Variants in SGPP2 observed in about 807,000 individuals in gnomAD.
The protein encoded by SGPP2 is sphingosine 1-phosphate phosphohydrolase 2.
A neutral mutation model predicts 33.9 loss-of-function variants in SGPP2; 30 were observed. The observed-to-expected ratio is 0.89, with a 90% CI of 0.66 to 1.20. The LOEUF (loss-of-function observed/expected upper bound fraction) is 1.20. Ranked by LOEUF, SGPP2 falls within the 50% of genes most tolerant of loss-of-function variation. The pLI, the probability that SGPP2 is intolerant of heterozygous loss-of-function variation, is 0.00. For missense variants in SGPP2, 458 were observed against 532.1 expected (o/e 0.86, Z 1.37); for synonymous variants, 233 against 225.0 (o/e 1.04, Z -0.32).
At chr2:222,507,921 C>T (rs1486048214) in intron 2 of SGPP2, among the ~76,000 whole-genome samples, 2 of 152,078 alleles carry the variant, frequency 1.3e-5, no homozygotes, top group Non-Finnish European at 2.9e-5. Flanking sequence ...AGATTTTGAC[C>T]GTGGTTGACT....
rs113395227 is a variant in SGPP2, at chr2:222,509,571, G to A, written c.379-12196G>A. 6.8e-3 allele frequency among the ~76,000 whole-genome samples: 1,032 copies of A among 152,192 alleles called. 4 individuals are homozygous for A. The highest frequency in any genetic ancestry group is 0.024 in the African/African-American group (982 of 41,526). On this transcript the variant is annotated intron_variant, in intron 2 of 4. Coordinates refer to ENST00000321276, the MANE Select transcript of SGPP2 (RefSeq NM_152386.4). ...GTACTCACTTCAGTGCCCTGTGGAC[G>A]GGCAGAATTGAACAGGATTTTTGAA...
chr2:222,455,987 G>A (rs1221399664), intron 1 of SGPP2, among the ~76,000 whole-genome samples: 4 of 152,192 alleles, frequency 2.6e-5, no homozygotes, highest in African/African-American at 7.2e-5. Flanking sequence ...GCTAAGGTGG[G>A]AGGATTGCTT....
At chr2:222,436,419 T>C (rs1697241239) in intron 1 of SGPP2, among the ~76,000 whole-genome samples, 1 of 152,174 alleles carries the variant, frequency 6.6e-6, no homozygotes. Context: ...TGGACACTGA[T>C]TCAGAGCATA....
At position 222,559,077 on chromosome 2, in the gene SGPP2, C is replaced by T. The variant is rs191653539; in HGVS notation, c.*179C>T. On this transcript the variant is annotated 3_prime_UTR_variant, in exon 5 of 5. Coordinates refer to ENST00000321276, the MANE Select transcript of SGPP2 (RefSeq NM_152386.4). ...AAAGGAAGAACTGTCTCATAGCGGT[C>T]ATTGGTCGTCCGTGGTGGTTGGTTG... 9 of 596,210 alleles carry T rather than the reference C, an allele frequency of 1.5e-5. No individual in the cohort carries two copies. The highest frequency in any genetic ancestry group is 1.2e-4 in the Admixed American group (4 of 32,368). 36.9% of individuals were successfully genotyped at this position (596,210 alleles called of 1,614,324 possible). A position where few individuals can be genotyped will look rare whatever the true frequency, so the allele number is the denominator to read the frequency against.
chr2:222,485,572 A>C (rs966693000), intron 2 of SGPP2, among the ~76,000 whole-genome samples: 1 of 152,234 alleles, frequency 6.6e-6, no homozygotes, highest in African/African-American at 2.4e-5. Context: ...TAAAGCAGCC[A>C]AGTGGAAAAG....
intron 2 of SGPP2, among the ~76,000 whole-genome samples, chr2:222,521,369 GCTGA>G (rs1223973779): frequency 5.3e-5 from 8 of 152,172 alleles, no homozygotes; most frequent in African/African-American, 1.9e-4. Context: ...TCTGCCACTT[GCTGA>G]CTGTGTGCCT....
Position 222,477,473 on chromosome 2 carries a change from A to G in SGPP2, c.378+2747A>G, listed in dbSNP as rs950123428. ...TATAGGTGTGTATATATGTGTATGC[A>G]TGTGTGTATATAGGTGTGTATATAT... is the stretch of plus-strand genomic sequence containing the variant. On this transcript the variant is annotated intron_variant, in intron 2 of 4. Transcript: ENST00000321276. This position sits in a 1 kb window ranked among gnomAD's most constrained non-coding sequence, Gnocchi z 6.0. Among the ~76,000 whole-genome samples the G allele has an allele frequency of 6.7e-5, 10 of 150,116 alleles. No individual in the cohort carries two copies. Among genetic ancestry groups the G allele is most frequent in the Non-Finnish European group, 8.9e-5 (6 of 67,724 alleles).
chr2:222,524,581 ATTGT>A (rs1698729457), intron 3 of SGPP2, among the ~76,000 whole-genome samples: 1 of 152,154 alleles, frequency 6.6e-6, no homozygotes, highest in African/African-American at 2.4e-5. Flanking sequence ...TCTTGGTCAA[ATTGT>A]TTGTTTCTTA....
intron 2 of SGPP2, among the ~76,000 whole-genome samples, chr2:222,475,163 A>G (rs904465228): frequency 6.6e-6 from 1 of 152,184 alleles, no homozygotes; most frequent in Non-Finnish European, 1.5e-5. Flanking sequence ...GGTGCCTCCC[A>G]GGTTCAAGCG....
chr2:222,493,739 A>G (rs2106112386), intron 2 of SGPP2, among the ~76,000 whole-genome samples: 1 of 152,366 alleles, frequency 6.6e-6, no homozygotes, highest in Non-Finnish European at 1.5e-5. Flanking sequence ...ATCAGAGCTC[A>G]TTCTCAAGCC....
At chr2:222,467,143 G>A (rs1387979419) in intron 1 of SGPP2, among the ~76,000 whole-genome samples, 7 of 152,158 alleles carry the variant, frequency 4.6e-5, no homozygotes, top group Non-Finnish European at 1.0e-4. Context: ...CTCACAGTGA[G>A]GTCCACGGGC....
intron 2 of SGPP2, among the ~76,000 whole-genome samples, chr2:222,506,146 G>A (rs1223256174): frequency 2.0e-5 from 3 of 152,146 alleles, no homozygotes; most frequent in Non-Finnish European, 2.9e-5. Flanking sequence ...GAGCACAAGT[G>A]TTCTGATTAT....
Position 222,424,794 on chromosome 2 carries a change from C to G in SGPP2, c.192C>G (p.Asn64Lys). The change falls in exon 1 of 5, where the codon AAC becomes AAG. Residue 64 changes from asparagine (N) to lysine (K), a missense_variant. Transcript: ENST00000321276. Reference protein sequence around the residue: ...ANGKGGEAPANGLRRAAAPEA... With the variant: ...ANGKGGEAPAKGLRRAAAPEA... ...GCAAGGGCGGCGAGGCTCCGGCCAACGGGCTGCGCAGAGCCGCGGCGCCGG... is the reference window on the plus strand; with the variant it reads ...GCAAGGGCGGCGAGGCTCCGGCCAAGGGGCTGCGCAGAGCCGCGGCGCCGG... 7.2e-7 allele frequency: 1 copy of G among 1,390,272 alleles called. No individual in the cohort carries two copies. The highest frequency in any genetic ancestry group is 9.3e-7 in the Non-Finnish European group (1 of 1,073,900). 86.1% of individuals were successfully genotyped at this position (1,390,272 alleles called of 1,614,324 possible).
chr2:222,466,898 A>G (rs16863717), intron 1 of SGPP2, among the ~76,000 whole-genome samples: 3 of 152,048 alleles, frequency 2.0e-5, no homozygotes, highest in Non-Finnish European at 2.9e-5. Flanking sequence ...TCCCTTTGGT[A>G]CTTTCTAGGG....
At chr2:222,549,920 C>T (rs1271152713) in intron 4 of SGPP2, among the ~76,000 whole-genome samples, 3 of 151,012 alleles carry the variant, frequency 2.0e-5, no homozygotes, top group South Asian at 2.1e-4. Context: ...CTCTGTCACC[C>T]GGGCTGAATA....
chr2:222,558,252 T>TTTAAATATCAAA, intron 4 of SGPP2, 95 bp from the exon 5 acceptor site: 1 of 1,325,380 alleles, frequency 7.5e-7, no homozygotes, highest in Non-Finnish European at 1.0e-6. Flanking sequence ...AAAATTGTGT[T>TTTAAATATCAAA]TTAAATATCA....
upstream of SGPP2, chr2:222,424,408 T>G: frequency 1.0e-5 from 2 of 198,954 alleles, no homozygotes; most frequent in Non-Finnish European, 2.0e-5. Context: ...GGGGGACGCG[T>G]TGCGCAAGGT....
intron 2 of SGPP2, among the ~76,000 whole-genome samples, chr2:222,479,043 C>T (rs534353275): frequency 6.6e-6 from 1 of 152,206 alleles, no homozygotes; most frequent in South Asian, 2.1e-4. Flanking sequence ...TTAATCCTAC[C>T]AGCAATACTG....
In SGPP2 at chr2:222,560,147, C is replaced by A. The variant is rs144809717; in HGVS notation, c.*1249C>A. On this transcript the variant is annotated 3_prime_UTR_variant, in exon 5 of 5. Coordinates refer to ENST00000321276, the MANE Select transcript of SGPP2 (RefSeq NM_152386.4). Reference sequence around the variant, plus strand: ...AGCAGTTTTTTGCTTTCATACAAACCTGGAAGGCACTGGCATCTGCCTAGG... The same window carrying A: ...AGCAGTTTTTTGCTTTCATACAAACATGGAAGGCACTGGCATCTGCCTAGG... The A allele has an allele frequency of 1.4e-3, 212 of 152,374 alleles. 1 individual carries two copies. Among genetic ancestry groups the A allele is most frequent in the Middle Eastern group, 0.01 (3 of 294 alleles). The allele number at this position is 152,374 out of a possible 1,614,324, so 9.4% of individuals were successfully genotyped here. A position where few individuals can be genotyped will look rare whatever the true frequency, so the allele number is the denominator to read the frequency against.
Sources: allele counts gnomAD v4.1 joint callset (sites outside exome capture counted in the v4.1 genomes callset), GRCh38; gene constraint gnomAD v4.1.1; non-coding constraint Gnocchi (gnomAD v3.1); transcripts MANE v1.5; gene names NCBI Gene and HGNC (gene_info 2026-07-23, HGNC 2026-07-21).